SLC16A7: variants seen among roughly 807,000 people sequenced by gnomAD.
SLC16A7 encodes the protein solute carrier family 16 member 7.
In SLC16A7, 33 loss-of-function variants were observed where a neutral mutation model predicts 34.9. The ratio of observed to expected loss-of-function variants is 0.94; its 90% confidence interval spans 0.72 to 1.26. SLC16A7 has a LOEUF of 1.26. SLC16A7 is among the 50% of genes most tolerant of loss of function. SLC16A7 has a pLI of 0.00. For synonymous variants in SLC16A7, 201 were observed against 206.6 expected, an observed-to-expected ratio of 0.97 and a Z score of 0.23; for missense variants, 573 against 578.1, an observed-to-expected ratio of 0.99 and a Z score of 0.09.
chr12:59,769,473 C>T (rs1216104788), intron 3 of SLC16A7: 1 of 151,812 alleles, frequency 6.6e-6, no homozygotes, highest in Non-Finnish European at 1.5e-5. Context: ...TTAGTTCTTC[C>T]CTCCAAACCC....
In SLC16A7 at chr12:59,627,403, C is replaced by T. The variant is rs116241874; in HGVS notation, c.-129-27749C>T. Among the ~76,000 whole-genome samples, 891 of 151,816 alleles carry T rather than the reference C, an allele frequency of 5.9e-3. 5 individuals are homozygous for T. The highest frequency in any genetic ancestry group is 0.02 in the African/African-American group (848 of 41,460). ...TTCTTATGTAAATAAGGTTATCATACGGTTATCTATATATGTGTGTGTATG... is the reference window on the plus strand; with the variant it reads ...TTCTTATGTAAATAAGGTTATCATATGGTTATCTATATATGTGTGTGTATG... On this transcript the variant is annotated intron_variant, in intron 1 of 5. Coordinates refer to ENST00000547379, the MANE Select transcript of SLC16A7 (RefSeq NM_001270623.2).
intron 3 of SLC16A7, among the ~76,000 whole-genome samples, chr12:59,707,022 A>G (rs1873667959): frequency 6.6e-6 from 1 of 152,138 alleles, no homozygotes; most frequent in African/African-American, 2.4e-5. Flanking sequence ...GCAATGTTTC[A>G]AAAAGTGGCT....
intron 1 of SLC16A7, among the ~76,000 whole-genome samples, chr12:59,626,029 T>A (rs1879914456): frequency 6.6e-6 from 1 of 151,884 alleles, no homozygotes; most frequent in East Asian, 1.9e-4. Context: ...TGTTCTATAG[T>A]TATTGCAAAT....
At chr12:59,771,163 TAAAC>T in intron 3 of SLC16A7, 52 bp from the exon 4 acceptor site, 5 of 1,534,930 alleles carry the variant, frequency 3.3e-6, no homozygotes, top group East Asian at 2.4e-5. Flanking sequence ...ATGTTAAAGA[TAAAC>T]AAATAAATGA....
intron 1 of SLC16A7, among the ~76,000 whole-genome samples, chr12:59,650,828 CTT>C (rs927003167): frequency 6.6e-6 from 1 of 152,052 alleles, no homozygotes; most frequent in Non-Finnish European, 1.5e-5. Context: ...AGTTGTAGGT[CTT>C]TGAGGCACAT....
intron 1 of SLC16A7, among the ~76,000 whole-genome samples, chr12:59,639,075 T>C (rs1274731864): frequency 6.6e-6 from 1 of 152,088 alleles, no homozygotes; most frequent in East Asian, 1.9e-4. Context: ...GTTTCAGGAG[T>C]TGAGAGCTAA....
chr12:59,749,866 C>T (rs1397668737), intron 3 of SLC16A7, among the ~76,000 whole-genome samples: 1 of 152,214 alleles, frequency 6.6e-6, no homozygotes, highest in East Asian at 1.9e-4. Context: ...AAAAATCACA[C>T]CAGAGTAATT....
rs1883565366 is a variant in SLC16A7 at position 59,785,688 on chromosome 12, A to C, written c.*6009A>C. ...TCAGTCTCCATATATACTTGTTAATAAGGTGAGCAATATTCAGGAATATTT... is the reference window on the plus strand; with the variant it reads ...TCAGTCTCCATATATACTTGTTAATCAGGTGAGCAATATTCAGGAATATTT... On this transcript the variant is annotated 3_prime_UTR_variant, in exon 6 of 6. Coordinates refer to ENST00000547379, the MANE Select transcript of SLC16A7 (RefSeq NM_001270623.2). 1 of 152,146 alleles carries C rather than the reference A, an allele frequency of 6.6e-6. No homozygotes were observed. Among genetic ancestry groups the C allele is most frequent in the South Asian group, 2.1e-4 (1 of 4,826 alleles). 9.4% of individuals were successfully genotyped at this position (152,146 alleles called of 1,614,324 possible). A position where few individuals can be genotyped will look rare whatever the true frequency, so the allele number is the denominator to read the frequency against.
At chr12:59,717,686 G>A (rs777967124) in intron 3 of SLC16A7, among the ~76,000 whole-genome samples, 3 of 152,086 alleles carry the variant, frequency 2.0e-5, no homozygotes, top group Non-Finnish European at 4.4e-5. Context: ...TTCTGAAACT[G>A]TTTCCCTAAC....
At chr12:59,715,270 C>A (rs756974005) in intron 3 of SLC16A7, among the ~76,000 whole-genome samples, 2 of 152,166 alleles carry the variant, frequency 1.3e-5, no homozygotes, top group Non-Finnish European at 2.9e-5. Flanking sequence ...ACCAAGCAAT[C>A]CATGACTTTG....
rs1420602142 is a variant in SLC16A7, at chr12:59,774,848, C to T, written c.553C>T (p.Leu185Phe). Residue 185 changes from leucine to phenylalanine, a missense_variant, in exon 5 of 6, where the codon CTT becomes TTT. Coordinates refer to ENST00000547379, the MANE Select transcript of SLC16A7 (RefSeq NM_001270623.2). Reference protein sequence around the residue: ...KGSFLILGSLLLNACVAGSLM... With the variant: ...KGSFLILGSLFLNACVAGSLM... The stretch of plus-strand genomic sequence containing the variant: ...AAGCTTCCTGATTTTGGGAAGTCTA[C>T]TTTTGAATGCCTGTGTGGCTGGTTC... 5.6e-6 allele frequency: 9 copies of T among 1,613,872 alleles called. No individual in the cohort carries two copies. The highest frequency in any genetic ancestry group is 7.6e-6 in the Non-Finnish European group (9 of 1,179,938).
chr12:59,778,988 C>T (rs1004702494), intron 5 of SLC16A7, among the ~76,000 whole-genome samples: 1 of 151,976 alleles, frequency 6.6e-6, no homozygotes, highest in African/African-American at 2.4e-5. Flanking sequence ...CATGTAAAAG[C>T]CTTTGGGTTT....
chr12:59,664,588 C>T lies in SLC16A7; in HGVS notation c.-31+9338C>T, dbSNP rs1300632910. On this transcript the variant is annotated intron_variant, in intron 2 of 5. Coordinates refer to ENST00000547379, the MANE Select transcript of SLC16A7 (RefSeq NM_001270623.2). The stretch of plus-strand genomic sequence containing the variant: ...AATATGTTTTATGCATATTAAATCA[C>T]GCAATGGAAAATGTGCTTGAAAATG... 3.9e-5 allele frequency: 6 copies of T among 152,216 alleles called. No homozygotes were observed. The Middle Eastern group carries it at 0.01, about 259-fold the overall frequency. The allele number at this position is 152,216 out of a possible 1,614,324, so 9.4% of individuals were successfully genotyped here.
intron 3 of SLC16A7, among the ~76,000 whole-genome samples, chr12:59,759,666 A>G (rs894947996): frequency 2.0e-5 from 3 of 152,064 alleles, no homozygotes; most frequent in Non-Finnish European, 2.9e-5. Context: ...TAAATATTTT[A>G]TAAAATATTT....
intron 2 of SLC16A7, among the ~76,000 whole-genome samples, chr12:59,655,630 T>C (rs938665067): frequency 6.6e-6 from 1 of 151,926 alleles, no homozygotes; most frequent in East Asian, 1.9e-4. Context: ...GCTAGAGGTA[T>C]ATACTTTTAG....
intron 2 of SLC16A7, among the ~76,000 whole-genome samples, chr12:59,684,057 G>A (rs894666426): frequency 8.5e-5 from 13 of 152,186 alleles, no homozygotes; most frequent in Non-Finnish European, 1.6e-4. Flanking sequence ...CAATGCCAAT[G>A]TGGTGAGATA....
rs1343263510 is a variant in SLC16A7 at position 59,784,397 on chromosome 12, T to C, written c.*4718T>C. 6.6e-6 allele frequency: 1 copy of C among 152,062 alleles called. No individual in the cohort carries two copies. Among genetic ancestry groups the C allele is most frequent in the Non-Finnish European group, 1.5e-5 (1 of 68,002 alleles). The allele number at this position is 152,062 out of a possible 1,614,324, so 9.4% of individuals were successfully genotyped here. ...TATTAAAAAAAAAATAAAATGTTCT[T>C]ACTAGAAAACATTATATTTAGAATT... On this transcript the variant is annotated 3_prime_UTR_variant, in exon 6 of 6. Transcript: ENST00000547379.
chr12:59,669,163 T>TTAAACATTAAGATGGCTGA (rs1869460487), intron 2 of SLC16A7, among the ~76,000 whole-genome samples: 1 of 152,216 alleles, frequency 6.6e-6, no homozygotes, highest in African/African-American at 2.4e-5. Flanking sequence ...AATTTATAAG[T>TTAAACATTAAGATGGCTGA]TAAACATTAA....
chr12:59,643,293 G>C (rs895566968), intron 1 of SLC16A7, among the ~76,000 whole-genome samples: 1 of 152,092 alleles, frequency 6.6e-6, no homozygotes, highest in Non-Finnish European at 1.5e-5. Context: ...TTGAAAGTCT[G>C]TACTTACACT....
Sources: allele counts gnomAD v4.1 joint callset (sites outside exome capture counted in the v4.1 genomes callset), GRCh38; gene constraint gnomAD v4.1.1; transcripts MANE v1.5; gene names NCBI Gene and HGNC (gene_info 2026-07-23, HGNC 2026-07-21).